PCCB: variants seen among roughly 807,000 people sequenced by gnomAD.
PCCB encodes the protein propionyl-CoA carboxylase beta chain, mitochondrial.
In PCCB, 43 loss-of-function variants were observed where a neutral mutation model predicts 60.7. The observed-to-expected ratio is 0.71, with a 90% confidence interval of 0.55 to 0.91. The LOEUF (loss-of-function observed/expected upper bound fraction) is 0.91. PCCB is among the 40% of genes least tolerant of loss of function. PCCB has a pLI of 0.00. For synonymous variants in PCCB, 276 were observed against 255.9 expected, an observed-to-expected ratio of 1.08 and a Z score of -0.75; for missense variants, 766 against 702.8, an observed-to-expected ratio of 1.09 and a Z score of -1.02.
intron 4 of PCCB, 23 bp downstream of exon 4, chr3:136,260,558 C>T (rs1350148212): frequency 1.9e-6 from 3 of 1,580,946 alleles, no homozygotes; most frequent in East Asian, 4.5e-5. Context: ...TACTCAAATT[C>T]AATCCATTGC....
intron 11 of PCCB, 69 bp from the exon 12 acceptor site, chr3:136,327,086 C>T (rs772089434): frequency 6.9e-7 from 1 of 1,455,482 alleles, no homozygotes; most frequent in South Asian, 1.1e-5. Context: ...GGAAAGACCT[C>T]ACAGCTGAGA....
chr3:136,302,338 C>A (rs563127653), intron 9 of PCCB, among the ~76,000 whole-genome samples: 1 of 121,584 alleles, frequency 8.2e-6, no homozygotes, highest in South Asian at 3.2e-4. Flanking sequence ...ACGCCAGAGT[C>A]AAAATAGTTC....
At chr3:136,262,766 TATC>T (rs964691369) in intron 5 of PCCB, among the ~76,000 whole-genome samples, 13 of 152,182 alleles carry the variant, frequency 8.5e-5, no homozygotes, top group East Asian at 3.8e-4. Flanking sequence ...CAGCCACTCT[TATC>T]ATCCCTGCTC....
intron 10 of PCCB, among the ~76,000 whole-genome samples, chr3:136,320,426 C>A (rs518972): frequency 0.36 from 54,734 of 152,000 alleles, 12,233 homozygotes; most frequent in East Asian, 0.81. Flanking sequence ...TAAATTTATT[C>A]CTAAATGTTT....
At chr3:136,294,119 A>G (rs889350329) in intron 7 of PCCB, among the ~76,000 whole-genome samples, 1 of 152,144 alleles carries the variant, frequency 6.6e-6, no homozygotes, top group East Asian at 1.9e-4. Flanking sequence ...ATTTAGAGCT[A>G]GTTGCTGGAA....
chr3:136,292,642 CTA>C (rs1417968986), intron 6 of PCCB, among the ~76,000 whole-genome samples: 17 of 152,226 alleles, frequency 1.1e-4, no homozygotes, highest in Admixed American at 3.9e-4. Flanking sequence ...GTATTGAACT[CTA>C]TGTGTATTGA....
intron 5 of PCCB, among the ~76,000 whole-genome samples, chr3:136,267,451 G>A (rs554992473): frequency 6.6e-5 from 10 of 152,180 alleles, no homozygotes; most frequent in Admixed American, 3.9e-4. Context: ...TCGGCATCCC[G>A]AAGTGCAGGG....
chr3:136,256,009 A>G, intron 2 of PCCB, 34 bp downstream of exon 2: 1 of 1,614,054 alleles, frequency 6.2e-7, no homozygotes, highest in Non-Finnish European at 8.5e-7. Flanking sequence ...AACACTTTTT[A>G]GGTGTGGCTC....
At chr3:136,325,426 G>C (rs1259484008) in intron 10 of PCCB, among the ~76,000 whole-genome samples, 1 of 151,662 alleles carries the variant, frequency 6.6e-6, no homozygotes, top group East Asian at 1.9e-4. Context: ...TGCAATCTTG[G>C]CTCACTGCAA....
intron 10 of PCCB, among the ~76,000 whole-genome samples, chr3:136,320,774 A>G (rs562480124): frequency 1.3e-5 from 2 of 152,344 alleles, no homozygotes; most frequent in South Asian, 2.1e-4. Context: ...TTCTGCAAAT[A>G]GAGATAGTTT....
At chr3:136,256,732 A>G (rs1360261367) in intron 3 of PCCB, 109 bp downstream of exon 3, 6 of 794,186 alleles carry the variant, frequency 7.6e-6, no homozygotes, top group Non-Finnish European at 1.3e-5. Context: ...TAGTTTGGGG[A>G]AAATGAGGGA....
intron 9 of PCCB, among the ~76,000 whole-genome samples, chr3:136,316,438 C>T (rs950372888): frequency 2.6e-5 from 4 of 151,994 alleles, no homozygotes; most frequent in African/African-American, 7.2e-5. Context: ...CCTCAGTCTC[C>T]TGAGTAGCTG....
At chr3:136,292,140 C>A (rs1262695206) in intron 6 of PCCB, among the ~76,000 whole-genome samples, 1 of 152,080 alleles carries the variant, frequency 6.6e-6, no homozygotes, top group Non-Finnish European at 1.5e-5. Flanking sequence ...GTTGGTTTTT[C>A]CCCTGCAACT....
chr3:136,265,926 C>T (rs945676866), intron 5 of PCCB, among the ~76,000 whole-genome samples: 3 of 150,866 alleles, frequency 2.0e-5, no homozygotes, highest in African/African-American at 2.4e-5. Flanking sequence ...CCTGGGTTCA[C>T]GCCATTCTCC....
chr3:136,278,108 G>A (rs1942380941), intron 5 of PCCB, among the ~76,000 whole-genome samples: 1 of 152,178 alleles, frequency 6.6e-6, no homozygotes, highest in Non-Finnish European at 1.5e-5. Context: ...ACCTTGGTCT[G>A]CACTGGAGAC....
intron 5 of PCCB, among the ~76,000 whole-genome samples, chr3:136,275,950 T>C (rs1355124245): frequency 6.6e-6 from 1 of 152,124 alleles, no homozygotes; most frequent in East Asian, 1.9e-4. Flanking sequence ...TTTGTATTTT[T>C]AGTAGAGACG....
chr3:136,276,248 G>A (rs572090003), intron 5 of PCCB, among the ~76,000 whole-genome samples: 15 of 152,248 alleles, frequency 9.9e-5, no homozygotes, highest in African/African-American at 3.4e-4. Context: ...GGCCAGTAGG[G>A]GAGCTGTCCC....
chr3:136,262,558 G>C (rs1941855318), intron 5 of PCCB, among the ~76,000 whole-genome samples: 1 of 152,074 alleles, frequency 6.6e-6, no homozygotes, highest in South Asian at 2.1e-4. Flanking sequence ...ATATCTCTTT[G>C]CTTATTTACA....
chr3:136,299,335 TAC>T (rs756849333), intron 8 of PCCB, among the ~76,000 whole-genome samples: 12 of 152,030 alleles, frequency 7.9e-5, no homozygotes, highest in East Asian at 1.9e-4. Flanking sequence ...TATTTGTGCA[TAC>T]ACACATACAC....
Sources: gnomAD v4.1 joint callset for allele counts (sites outside exome capture counted in the v4.1 genomes callset) on GRCh38, gnomAD v4.1.1 for gene constraint, MANE v1.5 for transcripts, NCBI Gene and HGNC (gene_info 2026-07-23, HGNC 2026-07-21) for gene names.